Variants in XRCC4 observed in about 807,000 individuals in gnomAD.
XRCC4 encodes the protein DNA repair protein XRCC4.
Under a neutral mutation model 39.1 loss-of-function variants are expected in XRCC4, and 28 were observed. The observed-to-expected ratio is 0.72, with a 90% CI of 0.53 to 0.98. The LOEUF (loss-of-function observed/expected upper bound fraction) is 0.98, where lower values mean the gene tolerates loss of function less well. XRCC4 is among the 50% of genes least tolerant of loss of function. XRCC4 has a pLI of 0.00. For missense variants in XRCC4, 350 were observed against 376.4 expected, an observed-to-expected ratio of 0.93 and a Z score of 0.58; for synonymous variants, 123 against 126.4, an observed-to-expected ratio of 0.97 and a Z score of 0.18.
chr5:83,275,580 C>T (rs1198687619), intron 7 of XRCC4, among the ~76,000 whole-genome samples: 1 of 152,176 alleles, frequency 6.6e-6, no homozygotes, highest in East Asian at 1.9e-4. Context: ...CAGGCGTGAG[C>T]CACCGCGCCC....
chr5:83,097,437 C>T (rs767468866), intron 1 of XRCC4, among the ~76,000 whole-genome samples: 4 of 150,074 alleles, frequency 2.7e-5, no homozygotes, highest in African/African-American at 7.4e-5. Context: ...TAAATGGGTG[C>T]GGTTTTAAGT....
downstream of XRCC4, chr5:83,356,790 A>T: frequency 2.2e-6 from 1 of 451,550 alleles, no homozygotes; most frequent in Non-Finnish European, 4.4e-6. Flanking sequence ...ACAATGCAGC[A>T]TGGCTTTTTT....
chr5:83,319,053 A>G (rs1051364009), intron 7 of XRCC4, among the ~76,000 whole-genome samples: 9 of 71,862 alleles, frequency 1.3e-4, no homozygotes, highest in African/African-American at 5.0e-4. Context: ...ATAATGCCGC[A>G]TATCTACAAC....
At chr5:83,180,976 G>GT (rs1189624880) in intron 3 of XRCC4, among the ~76,000 whole-genome samples, 3 of 148,586 alleles carry the variant, frequency 2.0e-5, no homozygotes, top group African/African-American at 7.5e-5. Context: ...AAGTCAAATA[G>GT]TTTCTACAAA....
At chr5:83,355,718 C>T (rs1036531306), downstream of XRCC4, among the ~76,000 whole-genome samples, 3 of 152,214 alleles carry the variant, frequency 2.0e-5, no homozygotes, top group African/African-American at 7.2e-5. Context: ...CAGCTCACTG[C>T]AACCTCTGCC....
intron 1 of XRCC4, among the ~76,000 whole-genome samples, chr5:83,103,026 ATATATG>A (rs1351640032): frequency 6.9e-6 from 1 of 144,996 alleles, no homozygotes; most frequent in Non-Finnish European, 1.5e-5. Context: ...ATATATATAT[ATATATG>A]TCAACATATT....
intron 3 of XRCC4, among the ~76,000 whole-genome samples, chr5:83,192,921 A>G (rs1009216542): frequency 3.3e-5 from 5 of 152,324 alleles, no homozygotes; most frequent in Non-Finnish European, 5.9e-5. Flanking sequence ...CAGCTGTGAC[A>G]GTAACCTTAT....
chr5:83,167,576 C>T (rs1380064741), intron 3 of XRCC4, among the ~76,000 whole-genome samples: 1 of 152,102 alleles, frequency 6.6e-6, no homozygotes, highest in Non-Finnish European at 1.5e-5. Context: ...TGGACTTGGG[C>T]TTGGGTTTTA....
intron 1 of XRCC4, among the ~76,000 whole-genome samples, chr5:83,093,102 C>G (rs895159215): frequency 6.6e-6 from 1 of 151,696 alleles, no homozygotes; most frequent in African/African-American, 2.4e-5. Flanking sequence ...CACATATAGA[C>G]TGAAAGTGAA....
At chr5:83,340,359 A>G (rs1756718952) in intron 7 of XRCC4, among the ~76,000 whole-genome samples, 1 of 152,190 alleles carries the variant, frequency 6.6e-6, no homozygotes, top group Non-Finnish European at 1.5e-5. Context: ...ACCACGTAGC[A>G]ATGGGAAATT....
At position 83,215,242 on chromosome 5, in the gene XRCC4, G is replaced by A. The variant is rs1267961455; in HGVS notation, c.745+10321G>A. ...TAGTCCCAGCTAGTTGGGAGGCTGA[G>A]ACAGGAGGATTGCTTGAGCCTGGGA... On this transcript the variant is annotated intron_variant, in intron 6 of 7. Coordinates refer to ENST00000396027, the MANE Select transcript of XRCC4 (RefSeq NM_003401.5). 2.0e-5 allele frequency among the ~76,000 whole-genome samples: 3 copies of A among 152,070 alleles called. No homozygotes were observed. In the East Asian group the frequency reaches 5.8e-4, roughly 29 times the overall value.
rs140331195 is a variant in XRCC4 at position 83,239,877 on chromosome 5, G to A, written c.746-18653G>A. Among the ~76,000 whole-genome samples the A allele has an allele frequency of 2.5e-3, 384 of 151,970 alleles. 1 individual carries two copies. The highest frequency in any genetic ancestry group is 9.1e-3 in the African/African-American group (375 of 41,410). On this transcript the variant is annotated intron_variant, in intron 6 of 7. Coordinates refer to ENST00000396027, the MANE Select transcript of XRCC4 (RefSeq NM_003401.5). ...TTTTGTTTTAAAGTAAAAGAATAGT[G>A]TTGGGTGTGGTGACGCATACCTATA...
At chr5:83,216,079 G>C (rs1751847775) in intron 6 of XRCC4, among the ~76,000 whole-genome samples, 1 of 151,842 alleles carries the variant, frequency 6.6e-6, no homozygotes, top group Non-Finnish European at 1.5e-5. Context: ...TAAGGGATTT[G>C]TTTCTAGCAT....
At chr5:83,275,299 T>TC (rs1261170759) in intron 7 of XRCC4, among the ~76,000 whole-genome samples, 2 of 150,856 alleles carry the variant, frequency 1.3e-5, no homozygotes, top group African/African-American at 4.9e-5. Flanking sequence ...AGGTTAGGTT[T>TC]TTTTTTTTTT....
At chr5:83,141,762 A>G (rs1748186755) in intron 3 of XRCC4, among the ~76,000 whole-genome samples, 1 of 151,276 alleles carries the variant, frequency 6.6e-6, no homozygotes, top group African/African-American at 2.4e-5. Flanking sequence ...TAATGTATTC[A>G]TTGTGCTTCT....
chr5:83,161,333 T>C (rs1481486086), intron 3 of XRCC4, among the ~76,000 whole-genome samples: 2 of 152,162 alleles, frequency 1.3e-5, no homozygotes, highest in African/African-American at 4.8e-5. Context: ...AGTTTCACCT[T>C]GTTGGCCAGG....
intron 3 of XRCC4, among the ~76,000 whole-genome samples, chr5:83,113,520 G>A (rs563101029): frequency 2.6e-5 from 4 of 152,302 alleles, no homozygotes; most frequent in African/African-American, 9.6e-5. Flanking sequence ...TCTGTATAGG[G>A]GCTCCAACCC....
intron 7 of XRCC4, among the ~76,000 whole-genome samples, chr5:83,273,600 G>A (rs1754218624): frequency 6.6e-6 from 1 of 152,128 alleles, no homozygotes; most frequent in African/African-American, 2.4e-5. Context: ...TGTATAAGGT[G>A]TAAGGAAGGG....
In XRCC4 at chr5:83,148,701, A is replaced by G. The variant is rs573977035; in HGVS notation, c.315+37498A>G. Reference sequence around the variant, plus strand: ...TTTAAAAACAATGATTAAGTGCTCAATTTATGTTATGCATTGTATTAGGTG... The same window carrying G: ...TTTAAAAACAATGATTAAGTGCTCAGTTTATGTTATGCATTGTATTAGGTG... On this transcript the variant is annotated intron_variant, in intron 3 of 7. Transcript: ENST00000396027. Among the ~76,000 whole-genome samples, 13 of 152,286 alleles carry G rather than the reference A, an allele frequency of 8.5e-5. No homozygotes were observed. In the South Asian group the frequency reaches 2.3e-3, roughly 27 times the overall value.
Sources: allele counts gnomAD v4.1 joint callset (sites outside exome capture counted in the v4.1 genomes callset), GRCh38; gene constraint gnomAD v4.1.1; transcripts MANE v1.5; gene names NCBI Gene and HGNC (gene_info 2026-07-23, HGNC 2026-07-21).